DHTKD1: variants seen among roughly 807,000 people sequenced by gnomAD.
The protein encoded by DHTKD1 is 2-oxoadipate dehydrogenase complex component E1.
Under a neutral mutation model 101.8 loss-of-function variants are expected in DHTKD1, and 78 were observed. The ratio of observed to expected loss-of-function variants is 0.77; its 90% CI spans 0.64 to 0.93. The LOEUF is 0.93. DHTKD1 is among the 40% of genes least tolerant of loss of function. DHTKD1 has a pLI of 0.00. For synonymous variants in DHTKD1, 462 were observed against 450.3 expected (o/e 1.03, Z -0.33); for missense variants, 1,223 against 1,161.7 (o/e 1.05, Z -0.77).
At chr10:12,097,446 G>A (rs911407884) in intron 7 of DHTKD1, among the ~76,000 whole-genome samples, 26 of 151,930 alleles carry the variant, frequency 1.7e-4, no homozygotes, top group South Asian at 2.1e-4. Flanking sequence ...CTAATTTTTT[G>A]TATTTTTAGT....
intron 1 of DHTKD1, among the ~76,000 whole-genome samples, chr10:12,076,977 A>AT (rs1391336271): frequency 7.1e-6 from 1 of 139,894 alleles, no homozygotes; most frequent in Non-Finnish European, 1.5e-5. Context: ...GTTTCTGATA[A>AT]AAAAAAAAAA....
At position 12,091,612 on chromosome 10, in the gene DHTKD1, A is replaced by G; in HGVS notation, c.1087A>G (p.Ile363Val). The G allele has an allele frequency of 6.2e-7, 1 of 1,613,694 alleles. No individual in the cohort carries two copies. The highest frequency in any genetic ancestry group is 1.1e-5 in the South Asian group (1 of 91,060). The change falls in exon 6 of 17, where the codon ATT becomes GTT. Residue 363 changes from isoleucine to valine, a missense_variant. Transcript: ENST00000263035. ...CAGAATTGGTGGGAGTGTGCATTTG[A>G]TTGTTAATAACCAGCTGGGTTACAC... ...HFRIGGSVHL[I>V]VNNQLGYTTP...
chr10:12,097,881 T>A lies in DHTKD1; in HGVS notation c.1556T>A (p.Ile519Asn), dbSNP rs754278729. ...GGCCTGGCTCAGCCAGAAGCGCAAA[T>A]CACCACCTGGAGTACAGGTGTGCCC... ...WQGLAQPEAQ[I>N]TTWSTGVPLD... Residue 519 changes from isoleucine to asparagine, a missense_variant, in exon 8 of 17, where the codon ATC (isoleucine) becomes AAC (asparagine). By Grantham distance (149) the Ile-to-Asn change is moderately radical. Transcript: ENST00000263035. The A allele has an allele frequency of 3.7e-6, 6 of 1,614,160 alleles. No individual in the cohort carries two copies. The South Asian group carries it at 5.5e-5, about 15-fold the overall frequency.
chr10:12,116,195 T>C (rs1833414059), intron 13 of DHTKD1: 1 of 152,066 alleles, frequency 6.6e-6, no homozygotes, highest in Admixed American at 6.6e-5. Flanking sequence ...CCTCCCAAAG[T>C]GCTGGGATTA....
rs1410014980 is a variant in DHTKD1 at position 12,121,957 on chromosome 10, T to C, written c.*1069T>C. 6.6e-6 allele frequency: 1 copy of C among 152,126 alleles called. No homozygotes were observed. The highest frequency in any genetic ancestry group is 1.9e-4 in the East Asian group (1 of 5,198). The allele number at this position is 152,126 out of a possible 1,614,324, so 9.4% of individuals were successfully genotyped here. ...GTTTGATGCATGTCACTTTCATTAATTTTCCCCCTCCTTTTTGAAAGTCCT... is the reference window on the plus strand; with the variant it reads ...GTTTGATGCATGTCACTTTCATTAACTTTCCCCCTCCTTTTTGAAAGTCCT... On this transcript the variant is annotated 3_prime_UTR_variant, in exon 17 of 17. Transcript: ENST00000263035.
Position 12,107,944 on chromosome 10 carries a change from ATCC to A in DHTKD1, c.2088_2090del (p.Leu697del), listed in dbSNP as rs1196240050. The A allele has an allele frequency of 1.9e-6, 3 of 1,613,930 alleles. No homozygotes were observed. Among genetic ancestry groups the A allele is most frequent in the Admixed American group, 3.3e-5 (2 of 59,980 alleles). ...GTGGCTCCTACAAAGCGGCATCGTC[ATCC>A]TCCTTCCACATGGCTACGATGGGGC... is the stretch of plus-strand genomic sequence containing the variant. On this transcript the variant is annotated inframe_deletion, in exon 12 of 17. Transcript: ENST00000263035. This position sits in a 1 kb window ranked among gnomAD's most constrained non-coding sequence, Gnocchi z 4.1.
chr10:12,091,136 C>T (rs571158500), intron 5 of DHTKD1, among the ~76,000 whole-genome samples: 107 of 152,096 alleles, frequency 7.0e-4, no homozygotes, highest in Middle Eastern at 3.4e-3. Context: ...TGAGGCTGGT[C>T]GCTGTGGCTC....
At position 12,120,820 on chromosome 10, in the gene DHTKD1, C is replaced by A. The variant is rs1431922322; in HGVS notation, c.2692C>A (p.Pro898Thr). The A allele has an allele frequency of 6.2e-7, 1 of 1,613,986 alleles. No homozygotes were observed. The highest frequency in any genetic ancestry group is 1.1e-5 in the South Asian group (1 of 91,086). Reference protein sequence around the residue: ...RLVGRPPLPVPAVGIGTVHLH... With the variant: ...RLVGRPPLPVTAVGIGTVHLH... ...GGTGGGCCGGCCCCCTTTGCCAGTA[C>A]CCGCTGTAGGAATTGGCACAGTTCA... Residue 898 changes from proline (P) to threonine (T), a missense_variant, in exon 17 of 17, where the codon CCC (proline) becomes ACC (threonine). By Grantham distance (38) the Pro-to-Thr change is conservative. Coordinates refer to ENST00000263035, the MANE Select transcript of DHTKD1 (RefSeq NM_018706.7).
At chr10:12,088,940 A>G (rs373335151) in intron 4 of DHTKD1, 46 bp from the exon 5 acceptor site, 1 of 1,558,426 alleles carries the variant, frequency 6.4e-7, no homozygotes, top group Non-Finnish European at 8.8e-7. Context: ...CCTAGACTCC[A>G]TTGTGATGAA....
chr10:12,096,577 G>T (rs1340644584), intron 7 of DHTKD1, among the ~76,000 whole-genome samples: 1 of 152,154 alleles, frequency 6.6e-6, no homozygotes, highest in African/African-American at 2.4e-5. Flanking sequence ...CGTTACCCAA[G>T]CTGGTCTCGC....
At chr10:12,118,960 C>CA in intron 15 of DHTKD1, 42 bp downstream of exon 15, 1 of 1,446,888 alleles carries the variant, frequency 6.9e-7, no homozygotes. Flanking sequence ...TTCAGATACC[C>CA]AAAACCCATT....
At chr10:12,072,488 TAAATAAA>T in intron 1 of DHTKD1, among the ~76,000 whole-genome samples, 1 of 46,602 alleles carries the variant, frequency 2.1e-5, no homozygotes, top group African/African-American at 4.7e-5. Flanking sequence ...AATAAATAAA[TAAATAAA>T]TAAATAAATA....
chr10:12,075,356 G>A (rs572436953), intron 1 of DHTKD1, among the ~76,000 whole-genome samples: 1 of 151,652 alleles, frequency 6.6e-6, no homozygotes, highest in African/African-American at 2.4e-5. Flanking sequence ...TTTCTGTGGG[G>A]TTTTTTTTGG....
At chr10:12,085,956 A>AT (rs1317861667) in intron 3 of DHTKD1, among the ~76,000 whole-genome samples, 1 of 152,042 alleles carries the variant, frequency 6.6e-6, no homozygotes, top group Non-Finnish European at 1.5e-5. Context: ...TATTTATTTT[A>AT]TTTTTATTTT....
intron 1 of DHTKD1, among the ~76,000 whole-genome samples, chr10:12,076,253 G>T (rs977892744): frequency 2.0e-5 from 3 of 152,204 alleles, no homozygotes; most frequent in Non-Finnish European, 2.9e-5. Flanking sequence ...CGCGGTGGGC[G>T]GATCACGAGG....
intron 1 of DHTKD1, among the ~76,000 whole-genome samples, chr10:12,080,076 C>T (rs1050271530): frequency 6.6e-6 from 1 of 151,852 alleles, no homozygotes; most frequent in Non-Finnish European, 1.5e-5. Flanking sequence ...ATCAGGAGAT[C>T]GAGACCATCC....
chr10:12,091,818 T>TAA, intron 6 of DHTKD1, 134 bp downstream of exon 6: 1 of 694,350 alleles, frequency 1.4e-6, no homozygotes, highest in Non-Finnish European at 2.2e-6. Flanking sequence ...ATTAATTAAT[T>TAA]TTTTGAGATG....
At chr10:12,072,480 TA>T (rs1285549574) in intron 1 of DHTKD1, among the ~76,000 whole-genome samples, 1 of 46,882 alleles carries the variant, frequency 2.1e-5, no homozygotes, top group Non-Finnish European at 6.8e-5. Context: ...AATAAATAAA[TA>T]AATAAATAAA....
chr10:12,091,534 T>C lies in DHTKD1; in HGVS notation c.1009T>C (p.Cys337Arg). 2 of 1,608,100 alleles carry C rather than the reference T, an allele frequency of 1.2e-6. No homozygotes were observed. The highest frequency in any genetic ancestry group is 2.2e-5 in the South Asian group (2 of 90,458). The change falls in exon 6 of 17, where the codon TGT (cysteine) becomes CGT (arginine). Residue 337 changes from cysteine to arginine, a missense_variant. Physicochemically the swap from Cys to Arg is radical, Grantham distance 180 (BLOSUM62 -3). Transcript: ENST00000263035. ...CLQVHGDASFCGQGIVPETFT... is the reference protein window; with the variant it reads ...CLQVHGDASFRGQGIVPETFT... Reference sequence around the variant, plus strand: ...TTAGGTCCATGGTGATGCTTCTTTCTGTGGTCAAGGGATTGTTCCTGAAAC... The same window carrying C: ...TTAGGTCCATGGTGATGCTTCTTTCCGTGGTCAAGGGATTGTTCCTGAAAC...
Sources: allele counts gnomAD v4.1 joint callset (sites outside exome capture counted in the v4.1 genomes callset), GRCh38; gene constraint gnomAD v4.1.1; non-coding constraint Gnocchi (gnomAD v3.1); transcripts MANE v1.5; gene names NCBI Gene and HGNC (gene_info 2026-07-23, HGNC 2026-07-21).